Variants in ARHGAP1 observed in about 807,000 individuals in gnomAD.
ARHGAP1 encodes the protein Rho GTPase activating protein 1.
ARHGAP1 carries 23 observed loss-of-function variants against 52.2 expected under a neutral mutation model. That is an observed-to-expected ratio of 0.44 (90% CI 0.32 to 0.62). The LOEUF is 0.62. Ranked by LOEUF, ARHGAP1 falls within the 20% of genes least tolerant of loss-of-function variation. The pLI is 0.05. For synonymous variants in ARHGAP1, 210 were observed against 228.4 expected (o/e 0.92, Z 0.73); for missense variants, 480 against 560.9 (o/e 0.86, Z 1.46).
intron 3 of ARHGAP1, among the ~76,000 whole-genome samples, chr11:46,693,248 G>T (rs1303285767): frequency 1.3e-5 from 2 of 151,526 alleles, no homozygotes; most frequent in African/African-American, 2.4e-5. Flanking sequence ...CACCAGCCTT[G>T]GCTTCCCAAA....
chr11:46,696,851 CAG>C lies in ARHGAP1; in HGVS notation c.-49-697_-49-696del, dbSNP rs2064658751. 6.6e-6 allele frequency among the ~76,000 whole-genome samples: 1 copy of C among 152,142 alleles called. No individual in the cohort carries two copies. The highest frequency in any genetic ancestry group is 1.5e-5 in the Non-Finnish European group (1 of 68,016). ...GCCATTGCACTTCCAGCCTAGGCGACAGGGCAAGACTCCATCCCAAAAAAATA... is the reference window on the plus strand; with the variant it reads ...GCCATTGCACTTCCAGCCTAGGCGACGGCAAGACTCCATCCCAAAAAAATA... On this transcript the variant is annotated intron_variant, in intron 1 of 12. Coordinates refer to ENST00000311956, the MANE Select transcript of ARHGAP1 (RefSeq NM_004308.5). The surrounding 1 kb of genome is among the most constrained non-coding windows in gnomAD (Gnocchi z 4.8).
intron 3 of ARHGAP1, among the ~76,000 whole-genome samples, chr11:46,688,966 C>T (rs946805029): frequency 3.3e-5 from 5 of 151,640 alleles, no homozygotes; most frequent in African/African-American, 1.2e-4. Context: ...CACCTATAGT[C>T]CCAGCTACTG....
intron 3 of ARHGAP1, among the ~76,000 whole-genome samples, chr11:46,691,574 C>T (rs570608420): frequency 1.3e-5 from 2 of 152,062 alleles, no homozygotes; most frequent in African/African-American, 4.8e-5. Context: ...GCCCCAGCAT[C>T]CTGAGTAGCT....
chr11:46,694,451 A>G (rs1454822845), intron 3 of ARHGAP1, among the ~76,000 whole-genome samples: 1 of 152,136 alleles, frequency 6.6e-6, no homozygotes, highest in Non-Finnish European at 1.5e-5. Context: ...GGGCCCCCTC[A>G]GGCTCATCGT....
intron 4 of ARHGAP1, among the ~76,000 whole-genome samples, chr11:46,682,831 A>G (rs958797932): frequency 5.3e-5 from 8 of 152,196 alleles, no homozygotes; most frequent in Non-Finnish European, 1.2e-4. Flanking sequence ...AATCAATAAT[A>G]ATGATGACAG....
chr11:46,695,759 A>G lies in ARHGAP1; in HGVS notation c.134-4T>C. On this transcript the variant is annotated splice_polypyrimidine_tract_variant and splice_region_variant and intron_variant, in intron 2 of 12. Transcript: ENST00000311956. Reference sequence around the variant, plus strand: ...GGGGAGCTGCTTTTGGAGTCATCTGAGGAACACAGCAGGGTCAGGGGACAA... The same window carrying G: ...GGGGAGCTGCTTTTGGAGTCATCTGGGGAACACAGCAGGGTCAGGGGACAA... The G allele has an allele frequency of 6.4e-7, 1 of 1,552,634 alleles. No homozygotes were observed. Among genetic ancestry groups the G allele is most frequent in the Non-Finnish European group, 8.7e-7 (1 of 1,147,378 alleles).
chr11:46,686,220 G>A (rs1238838842), intron 4 of ARHGAP1, among the ~76,000 whole-genome samples: 9 of 148,456 alleles, frequency 6.1e-5, no homozygotes, highest in Middle Eastern at 3.4e-3. Context: ...TGCTGATCTC[G>A]TGATCCACCC....
chr11:46,680,123 C>G lies in ARHGAP1; in HGVS notation c.898+82G>C. On this transcript the variant is annotated intron_variant, in intron 10 of 12. Transcript: ENST00000311956. This position sits in a 1 kb window ranked among gnomAD's most constrained non-coding sequence, Gnocchi z 5.9. ...TCCAGCAGGAAGAGACTCTGAGACTCTCATTTACAGGGCAGCAGAGGGCAG... is the reference window on the plus strand; with the variant it reads ...TCCAGCAGGAAGAGACTCTGAGACTGTCATTTACAGGGCAGCAGAGGGCAG... The G allele has an allele frequency of 1.4e-6, 2 of 1,472,306 alleles. No individual in the cohort carries two copies. Among genetic ancestry groups the G allele is most frequent in the Non-Finnish European group, 1.9e-6 (2 of 1,054,472 alleles). The allele number at this position is 1,472,306 out of a possible 1,614,324, so 91.2% of individuals were successfully genotyped here.
intron 4 of ARHGAP1, chr11:46,687,931 G>A: frequency 2.0e-6 from 1 of 501,586 alleles, no homozygotes; most frequent in South Asian, 2.9e-5. Context: ...CTTTTGAAAG[G>A]TGAGGAAAGC....
In ARHGAP1 at chr11:46,680,995, G is replaced by A. The variant is rs759050718; in HGVS notation, c.635+16C>T. 1.9e-5 allele frequency: 31 copies of A among 1,611,162 alleles called. No individual in the cohort carries two copies. Among genetic ancestry groups the A allele is most frequent in the East Asian group, 4.5e-5 (2 of 44,884 alleles). ...ACCCTGGCTTCACGAGCCCCCAGCC[G>A]CCGCACCCGCCTCACTTGAGCACTT... On this transcript the variant is annotated intron_variant, in intron 7 of 12. Coordinates refer to ENST00000311956, the MANE Select transcript of ARHGAP1 (RefSeq NM_004308.5). The surrounding 1 kb of genome is among the most constrained non-coding windows in gnomAD (Gnocchi z 5.9).
chr11:46,688,036 C>G (rs1408186592), intron 4 of ARHGAP1, 137 bp downstream of exon 4: 3 of 774,796 alleles, frequency 3.9e-6, no homozygotes, highest in Admixed American at 5.3e-5. Context: ...TATAAACCAG[C>G]TCCTTCATGA....
rs766600654 is a variant in ARHGAP1, at chr11:46,680,509, A to G, written c.798T>C (p.Thr266=). 3 of 1,614,058 alleles carry G rather than the reference A, an allele frequency of 1.9e-6. No homozygotes were observed. The highest frequency in any genetic ancestry group is 2.5e-6 in the Non-Finnish European group (3 of 1,179,992). The stretch of plus-strand genomic sequence containing the variant: ...CACCGTGGGCCTGTAAGTAGGCAAC[A>G]GTCTCCCTGAGTACAATGGGAATGG... ...QEPIPIVLRE[T]VAYLQAHALT... is the part of the protein sequence containing the mutation. Residue 266 remains threonine, a synonymous_variant, in exon 9 of 13, where the codon ACT becomes ACC. Transcript: ENST00000311956. The surrounding 1 kb of genome is among the most constrained non-coding windows in gnomAD (Gnocchi z 5.9).
At chr11:46,695,796 G>A in intron 2 of ARHGAP1, 41 bp from the exon 3 acceptor site, 5 of 1,554,872 alleles carry the variant, frequency 3.2e-6, no homozygotes, top group Non-Finnish European at 4.4e-6. Flanking sequence ...CCAGGGGGCT[G>A]GCACCATGCT....
chr11:46,679,074 C>T lies in ARHGAP1; in HGVS notation c.1283G>A (p.Gly428Glu), dbSNP rs531251302. 2 of 1,614,186 alleles carry T rather than the reference C, an allele frequency of 1.2e-6. No homozygotes were observed. Among genetic ancestry groups the T allele is most frequent in the South Asian group, 2.2e-5 (2 of 91,084 alleles). The part of the protein sequence containing the change: ...TFTKFLLDHQ[G>E]ELFPSPDPSG... ...GGGGTCCGGGCTTGGGAACAGCTCC[C>T]CTTGGTGATCCAGAAGGAACTTGGT... Residue 428 changes from glycine to glutamate, a missense_variant, in exon 13 of 13, where the codon GGG becomes GAG. Gly to Glu is a moderately conservative substitution (Grantham distance 98). Coordinates refer to ENST00000311956, the MANE Select transcript of ARHGAP1 (RefSeq NM_004308.5). This position sits in a 1 kb window ranked among gnomAD's most constrained non-coding sequence, Gnocchi z 4.4.
chr11:46,680,820 G>T lies in ARHGAP1; in HGVS notation c.636-73C>A. 1 of 1,220,880 alleles carries T rather than the reference G, an allele frequency of 8.2e-7. No homozygotes were observed. Among genetic ancestry groups the T allele is most frequent in the Non-Finnish European group, 1.1e-6 (1 of 876,152 alleles). 75.6% of individuals were successfully genotyped at this position (1,220,880 alleles called of 1,614,324 possible). ...CACTCTGCCAATTCAATCAAGCATTGACCACGCGGGGTCAGGAGGATCATC... is the reference window on the plus strand; with the variant it reads ...CACTCTGCCAATTCAATCAAGCATTTACCACGCGGGGTCAGGAGGATCATC... On this transcript the variant is annotated intron_variant, in intron 7 of 12. Transcript: ENST00000311956. This position sits in a 1 kb window ranked among gnomAD's most constrained non-coding sequence, Gnocchi z 5.9.
intron 1 of ARHGAP1, among the ~76,000 whole-genome samples, chr11:46,700,168 A>T (rs962754425): frequency 1.3e-5 from 2 of 152,160 alleles, no homozygotes; most frequent in Non-Finnish European, 2.9e-5. Flanking sequence ...AAAAAAATAA[A>T]TAAGTTGAAC....
intron 4 of ARHGAP1, among the ~76,000 whole-genome samples, chr11:46,685,973 CTTTTTTT>C (rs879269497): frequency 8.1e-5 from 10 of 123,240 alleles, no homozygotes; most frequent in African/African-American, 3.0e-4. Context: ...CGTACCCGGA[CTTTTTTT>C]TTTTTTTTTG....
Position 46,677,424 on chromosome 11 carries a change from T to C in ARHGAP1, c.*1613A>G, listed in dbSNP as rs973429357. Reference sequence around the variant, plus strand: ...GTCTTGGGAGAGCCCAGCGAAGTTATGCCCAGGCCCAGCCTGGCTTGCGGA... The same window carrying C: ...GTCTTGGGAGAGCCCAGCGAAGTTACGCCCAGGCCCAGCCTGGCTTGCGGA... On this transcript the variant is annotated 3_prime_UTR_variant, in exon 13 of 13. Transcript: ENST00000311956. The C allele has an allele frequency of 6.5e-6, 1 of 152,814 alleles. No homozygotes were observed. The highest frequency in any genetic ancestry group is 1.5e-5 in the Non-Finnish European group (1 of 68,398). 9.5% of individuals were successfully genotyped at this position (152,814 alleles called of 1,614,324 possible).
Position 46,680,577 on chromosome 11 carries a change from G to T in ARHGAP1, c.744-14C>A, listed in dbSNP as rs766760339. The T allele has an allele frequency of 2.5e-6, 4 of 1,613,832 alleles. No homozygotes were observed. Among genetic ancestry groups the T allele is most frequent in the African/African-American group, 1.3e-5 (1 of 74,928 alleles). ...TTCTCCTGGAGGCTGCGGGAAAAAG[G>T]CTGGTGAGCCGGGCCTGCAGCCCTT... On this transcript the variant is annotated splice_polypyrimidine_tract_variant and intron_variant, in intron 8 of 12. Coordinates refer to ENST00000311956, the MANE Select transcript of ARHGAP1 (RefSeq NM_004308.5). The surrounding 1 kb of genome is among the most constrained non-coding windows in gnomAD (Gnocchi z 5.9).
Sources: gnomAD v4.1 joint callset for allele counts (sites outside exome capture counted in the v4.1 genomes callset) on GRCh38, gnomAD v4.1.1 for gene constraint, Gnocchi (gnomAD v3.1) non-coding constraint, MANE v1.5 for transcripts, NCBI Gene and HGNC (gene_info 2026-07-23, HGNC 2026-07-21) for gene names.